Variants in PCDH15 observed in about 807,000 individuals in gnomAD.
PCDH15 encodes protocadherin related 15.
In PCDH15, 129 loss-of-function variants were observed where a neutral mutation model predicts 178.5. The ratio of observed to expected loss-of-function variants is 0.72; its 90% CI spans 0.63 to 0.84. The LOEUF is 0.84. PCDH15 is among the 40% of genes least tolerant of loss of function. The probability of loss-of-function intolerance (pLI) is 0.00; values close to 1 mark genes in which losing one functional copy is unlikely to be tolerated. For synonymous variants in PCDH15, 800 were observed against 732.0 expected (o/e 1.09, Z -1.50); for missense variants, 2,230 against 2,099.9 (o/e 1.06, Z -1.21).
intron 8 of PCDH15, among the ~76,000 whole-genome samples, chr10:54,248,071 A>T (rs1458690346): frequency 6.6e-6 from 1 of 151,324 alleles, no homozygotes; most frequent in Non-Finnish European, 1.5e-5. Context: ...AATTGACTCC[A>T]AGTTATAAGC....
At chr10:54,391,893 A>C (rs536353053) in intron 3 of PCDH15, among the ~76,000 whole-genome samples, 1 of 152,172 alleles carries the variant, frequency 6.6e-6, no homozygotes, top group African/African-American at 2.4e-5. Context: ...TGTCAAGAGA[A>C]TCTCAATCAA....
At chr10:54,982,770 T>C (rs1396179873) in intron 2 of PCDH15, among the ~76,000 whole-genome samples, 3 of 152,186 alleles carry the variant, frequency 2.0e-5, no homozygotes, top group Admixed American at 6.5e-5. Context: ...TGCTTCTTTG[T>C]TAACCTAGCA....
intron 4 of PCDH15, among the ~76,000 whole-genome samples, chr10:54,376,103 C>T (rs1948389130): frequency 6.6e-6 from 1 of 151,154 alleles, no homozygotes; most frequent in Non-Finnish European, 1.5e-5. Context: ...CCGTGTTGGC[C>T]AGGCTGGTCT....
intron 2 of PCDH15, among the ~76,000 whole-genome samples, chr10:55,162,784 T>C (rs1215316185): frequency 3.9e-5 from 6 of 152,118 alleles, no homozygotes; most frequent in African/African-American, 1.2e-4. Context: ...AGAGGCAGCA[T>C]GATGCAGTAG....
chr10:54,083,751 T>C (rs1372163517), intron 16 of PCDH15, among the ~76,000 whole-genome samples: 2 of 152,292 alleles, frequency 1.3e-5, no homozygotes, highest in East Asian at 3.9e-4. Flanking sequence ...CACTGAATTG[T>C]TCACTTTAAA....
chr10:53,933,007 G>A (rs982337410), intron 25 of PCDH15, among the ~76,000 whole-genome samples: 2 of 151,888 alleles, frequency 1.3e-5, no homozygotes, highest in Non-Finnish European at 2.9e-5. Context: ...GCCATGGGAT[G>A]TGCCTGCTCT....
chr10:53,834,229 C>A (rs186149583), intron 29 of PCDH15, among the ~76,000 whole-genome samples: 99 of 152,192 alleles, frequency 6.5e-4, no homozygotes, highest in African/African-American at 2.2e-3. Flanking sequence ...AAGTGGAATT[C>A]TTTTACCAGA....
intron 18 of PCDH15, among the ~76,000 whole-genome samples, chr10:54,062,310 C>G (rs1399867223): frequency 7.0e-6 from 1 of 143,702 alleles, no homozygotes; most frequent in Non-Finnish European, 1.5e-5. Context: ...TTGGATTATT[C>G]ATATTAAAAT....
At chr10:54,407,942 C>T (rs1952901070) in intron 3 of PCDH15, among the ~76,000 whole-genome samples, 1 of 149,252 alleles carries the variant, frequency 6.7e-6, no homozygotes, top group Admixed American at 6.8e-5. Flanking sequence ...GTAATCCCAG[C>T]TACTAGGGTG....
chr10:54,681,898 G>A (rs1049995573), intron 1 of PCDH15, among the ~76,000 whole-genome samples: 2 of 152,142 alleles, frequency 1.3e-5, no homozygotes, highest in Admixed American at 1.3e-4. Flanking sequence ...TCCTTTCTTA[G>A]GTTGGTAGAG....
At chr10:53,889,432 A>T (rs2081402958) in intron 26 of PCDH15, among the ~76,000 whole-genome samples, 1 of 152,086 alleles carries the variant, frequency 6.6e-6, no homozygotes, top group South Asian at 2.1e-4. Flanking sequence ...CATAAAGAGG[A>T]TACAAATACT....
chr10:54,820,471 G>A (rs185883176), intron 3 of PCDH15, among the ~76,000 whole-genome samples: 59 of 152,122 alleles, frequency 3.9e-4, no homozygotes, highest in African/African-American at 1.4e-3. Context: ...CAGAAATCAT[G>A]TTGATCAAAG....
At chr10:54,304,720 C>T (rs376181800) in intron 8 of PCDH15, among the ~76,000 whole-genome samples, 11 of 151,976 alleles carry the variant, frequency 7.2e-5, no homozygotes, top group Middle Eastern at 3.4e-3. Flanking sequence ...GAAAAATAAG[C>T]GATAGGGAGC....
At chr10:55,339,405 T>C (rs547443835) in intron 2 of PCDH15, among the ~76,000 whole-genome samples, 2 of 152,226 alleles carry the variant, frequency 1.3e-5, no homozygotes, top group South Asian at 2.1e-4. Flanking sequence ...ATTCTGGTTC[T>C]GTACATGGAA....
At chr10:53,853,262 T>C (rs1296407579) in intron 28 of PCDH15, among the ~76,000 whole-genome samples, 2 of 149,904 alleles carry the variant, frequency 1.3e-5, no homozygotes, top group African/African-American at 4.9e-5. Context: ...TATACAAAAA[T>C]TAACTCAAAA....
At chr10:54,239,986 C>A (rs80190575) in intron 8 of PCDH15, among the ~76,000 whole-genome samples, 8 of 152,070 alleles carry the variant, frequency 5.3e-5, no homozygotes, top group African/African-American at 1.4e-4. Flanking sequence ...TTTAGGATGA[C>A]CTTGTTAAAT....
upstream of PCDH15, among the ~76,000 whole-genome samples, chr10:54,804,288 C>A (rs1480356972): frequency 6.6e-6 from 1 of 152,178 alleles, no homozygotes; most frequent in Non-Finnish European, 1.5e-5. Flanking sequence ...ATCCTCCCGC[C>A]TCGGCCTCCC....
At chr10:55,417,041 C>A (rs1050120923) in intron 2 of PCDH15, among the ~76,000 whole-genome samples, 1 of 151,650 alleles carries the variant, frequency 6.6e-6, no homozygotes, top group Non-Finnish European at 1.5e-5. Context: ...TCATGCTGAG[C>A]TTTTGTATGG....
At chr10:53,961,269 T>C (rs1319205585) in intron 22 of PCDH15, among the ~76,000 whole-genome samples, 1 of 152,046 alleles carries the variant, frequency 6.6e-6, no homozygotes, top group African/African-American at 2.4e-5. Context: ...GGAAAAATGA[T>C]ATTCATACAA....
Sources: allele counts gnomAD v4.1 joint callset (sites outside exome capture counted in the v4.1 genomes callset), GRCh38; gene constraint gnomAD v4.1.1; transcripts MANE v1.5; gene names NCBI Gene and HGNC (gene_info 2026-07-23, HGNC 2026-07-21).